MEGF6: variants seen among roughly 807,000 people sequenced by gnomAD.
MEGF6 encodes multiple EGF like domains 6.
In MEGF6, 184 loss-of-function variants were observed where a neutral mutation model predicts 207.1. That is an observed-to-expected ratio of 0.89 (90% confidence interval 0.79 to 1.00). The LOEUF (loss-of-function observed/expected upper bound fraction) is 1.00. Ranked by LOEUF, MEGF6 falls within the 50% of genes least tolerant of loss-of-function variation. MEGF6 has a pLI of 0.00. For missense variants in MEGF6, 2,282 were observed against 2,202.9 expected, an observed-to-expected ratio of 1.04 and a Z score of -0.72; for synonymous variants, 1,038 against 910.0, an observed-to-expected ratio of 1.14 and a Z score of -2.53.
chr1:3,597,868 G>A (rs1451191254), intron 2 of MEGF6, among the ~76,000 whole-genome samples: 1 of 152,234 alleles, frequency 6.6e-6, no homozygotes, highest in African/African-American at 2.4e-5. Context: ...AGCAGTGGCA[G>A]GAAACTCTTG....
intron 1 of MEGF6, among the ~76,000 whole-genome samples, chr1:3,609,826 A>G (rs12121341): frequency 0.92 from 140,221 of 152,258 alleles, 64,868 homozygotes; most frequent in East Asian, 0.98. Context: ...GACGGTTTCC[A>G]CAGTGCACTG....
intron 4 of MEGF6, among the ~76,000 whole-genome samples, chr1:3,529,896 G>A (rs1032788902): frequency 5.9e-5 from 9 of 152,238 alleles, no homozygotes; most frequent in African/African-American, 1.7e-4. Flanking sequence ...AGAAAGCTCC[G>A]CTCAGGGCAG....
chr1:3,612,544 C>T (rs749541172), upstream of MEGF6, among the ~76,000 whole-genome samples: 2 of 152,134 alleles, frequency 1.3e-5, no homozygotes, highest in African/African-American at 2.4e-5. Flanking sequence ...TGGGTGAGAC[C>T]GGATGGGGGC....
At chr1:3,566,623 C>A (rs761741043) in intron 4 of MEGF6, among the ~76,000 whole-genome samples, 27 of 152,194 alleles carry the variant, frequency 1.8e-4, no homozygotes, top group African/African-American at 6.0e-4. Flanking sequence ...ATCAGAGGGA[C>A]CCCGGGGCCC....
intron 35 of MEGF6, among the ~76,000 whole-genome samples, chr1:3,491,763 A>C (rs2100813355): frequency 1.6e-5 from 1 of 62,168 alleles, no homozygotes. Flanking sequence ...TGGGGGGTAC[A>C]CGGTGCGGGG....
Position 3,556,207 on chromosome 1 carries a change from C to T in MEGF6, c.481+23618G>A, listed in dbSNP as rs917499016. Among the ~76,000 whole-genome samples the T allele has an allele frequency of 2.0e-5, 3 of 152,246 alleles. No individual in the cohort carries two copies. The highest frequency in any genetic ancestry group is 4.8e-5 in the African/African-American group (2 of 41,468). On this transcript the variant is annotated intron_variant, in intron 4 of 36. Transcript: ENST00000356575. The surrounding 1 kb of genome is among the most constrained non-coding windows in gnomAD (Gnocchi z 4.4). ...AGTCCATGCTCTGCTCCCCAAGCCC[C>T]GTCAGGATTTCCCAGGATGGGGAGT...
intron 4 of MEGF6, among the ~76,000 whole-genome samples, chr1:3,545,228 A>G (rs1642664750): frequency 6.6e-6 from 1 of 152,232 alleles, no homozygotes; most frequent in South Asian, 2.1e-4. Flanking sequence ...CTTCTTCCCC[A>G]GGGTTGAGGT....
rs983222181 is a variant in MEGF6 at position 3,573,064 on chromosome 1, T to C, written c.481+6761A>G. Among the ~76,000 whole-genome samples the C allele has an allele frequency of 7.1e-6, 1 of 141,150 alleles. No homozygotes were observed. The highest frequency in any genetic ancestry group is 2.7e-5 in the African/African-American group (1 of 37,154). 92.6% of individuals were successfully genotyped at this position (141,150 alleles called of 152,430 possible). A position where few individuals can be genotyped will look rare whatever the true frequency, so the allele number is the denominator to read the frequency against. On this transcript the variant is annotated intron_variant, in intron 4 of 36. Transcript: ENST00000356575. This position sits in a 1 kb window ranked among gnomAD's most constrained non-coding sequence, Gnocchi z 5.1. ...TCTCTTGGGTGTGCTGGGTCCTCCC[T>C]GGTGGGCTGGGTTCCCTCAGGTGTG... is the stretch of plus-strand genomic sequence containing the variant.
At chr1:3,549,531 T>C (rs947353) in intron 4 of MEGF6, among the ~76,000 whole-genome samples, 28,923 of 152,172 alleles carry the variant, frequency 0.19, 4,914 homozygotes, top group African/African-American at 0.46. Flanking sequence ...TGGGGGCACA[T>C]GGTCATGCTC....
rs375506151 is a variant in MEGF6 at position 3,493,942 on chromosome 1, C to A, written c.4259-43G>T. Reference sequence around the variant, plus strand: ...CTCAGTGTCCCCCTCCTGTCCTGCACCCAGACGGGACGGGGCCAGGGAGCG... The same window carrying A: ...CTCAGTGTCCCCCTCCTGTCCTGCAACCAGACGGGACGGGGCCAGGGAGCG... On this transcript the variant is annotated intron_variant, in intron 33 of 36. Transcript: ENST00000356575. 3 of 1,581,908 alleles carry A rather than the reference C, an allele frequency of 1.9e-6. No individual in the cohort carries two copies. The African/African-American group carries it at 4.0e-5, about 21-fold the overall frequency.
At chr1:3,506,602 G>A (rs1478471095) in intron 14 of MEGF6, among the ~76,000 whole-genome samples, 2 of 152,170 alleles carry the variant, frequency 1.3e-5, no homozygotes, top group South Asian at 2.1e-4. Flanking sequence ...GGAAGGACAC[G>A]TGGCCCCAGT....
intron 4 of MEGF6, among the ~76,000 whole-genome samples, chr1:3,558,357 T>C (rs1643095908): frequency 6.6e-6 from 1 of 152,226 alleles, no homozygotes; most frequent in Non-Finnish European, 1.5e-5. Flanking sequence ...CATCTAGGTC[T>C]GGTGCGGTGG....
chr1:3,494,836 T>C, intron 30 of MEGF6, 95 bp from the exon 31 acceptor site: 1 of 1,444,628 alleles, frequency 6.9e-7, no homozygotes, highest in Admixed American at 2.7e-5. Context: ...ACTCGGTAAA[T>C]GCTTCCTGAG....
intron 1 of MEGF6, among the ~76,000 whole-genome samples, chr1:3,608,954 C>T (rs2101908092): frequency 6.6e-6 from 1 of 152,324 alleles, no homozygotes; most frequent in East Asian, 1.9e-4. Context: ...ACACCCCTCG[C>T]TGCCTCCGAC....
intron 25 of MEGF6, 28 bp downstream of exon 25, chr1:3,498,670 T>C (rs1185793012): frequency 3.4e-5 from 53 of 1,536,882 alleles, no homozygotes; most frequent in Non-Finnish European, 4.3e-5. Context: ...TGCTGGGGTA[T>C]GTCCCTCCTC....
intron 2 of MEGF6, among the ~76,000 whole-genome samples, chr1:3,598,299 C>A (rs867314865): frequency 6.6e-6 from 1 of 152,332 alleles, no homozygotes; most frequent in Admixed American, 6.5e-5. Context: ...AACAAACAAG[C>A]GGGGCCAGTG....
chr1:3,490,333 G>C lies in MEGF6; in HGVS notation c.*195C>G. On this transcript the variant is annotated 3_prime_UTR_variant, in exon 37 of 37. Transcript: ENST00000356575. ...GGCGCCTCTCTTCCAGCGGCCATGCGAGGCTTCCCTCCTCAAGGCCACACC... is the reference window on the plus strand; with the variant it reads ...GGCGCCTCTCTTCCAGCGGCCATGCCAGGCTTCCCTCCTCAAGGCCACACC... 2 of 617,288 alleles carry C rather than the reference G, an allele frequency of 3.2e-6. No homozygotes were observed. The highest frequency in any genetic ancestry group is 5.5e-6 in the Non-Finnish European group (2 of 363,274). The allele number at this position is 617,288 out of a possible 1,614,324, so 38.2% of individuals were successfully genotyped here. A position where few individuals can be genotyped will look rare whatever the true frequency, so the allele number is the denominator to read the frequency against.
chr1:3,606,738 G>A (rs182968207), intron 1 of MEGF6, among the ~76,000 whole-genome samples: 7 of 152,292 alleles, frequency 4.6e-5, no homozygotes, highest in Admixed American at 2.0e-4. Flanking sequence ...TACCCACGGC[G>A]AGCCCTGGGC....
At chr1:3,568,913 G>A (rs1019033971) in intron 4 of MEGF6, among the ~76,000 whole-genome samples, 1 of 152,180 alleles carries the variant, frequency 6.6e-6, no homozygotes, top group African/African-American at 2.4e-5. Flanking sequence ...GCTTGGCCTA[G>A]CCTCTCTACC....
Sources: allele counts gnomAD v4.1 joint callset (sites outside exome capture counted in the v4.1 genomes callset), GRCh38; gene constraint gnomAD v4.1.1; non-coding constraint Gnocchi (gnomAD v3.1); transcripts MANE v1.5; gene names NCBI Gene and HGNC (gene_info 2026-07-23, HGNC 2026-07-21).